PTBP1: variants seen among roughly 807,000 people sequenced by gnomAD.
PTBP1 encodes polypyrimidine tract-binding protein 1.
A neutral mutation model predicts 59.8 loss-of-function variants in PTBP1; 8 were observed. That is an observed-to-expected ratio of 0.13 (90% CI 0.08 to 0.24). PTBP1 has a LOEUF of 0.24. Among genes scored for constraint, PTBP1 ranks in the 10% least tolerant of loss-of-function variants. The pLI is 1.00. For missense variants in PTBP1, 686 were observed against 767.0 expected, an observed-to-expected ratio of 0.89 and a Z score of 1.25; for synonymous variants, 490 against 320.7, an observed-to-expected ratio of 1.53 and a Z score of -5.64.
At position 810,875 on chromosome 19, in the gene PTBP1, C is replaced by T. The variant is rs2034832429; in HGVS notation, c.*49C>T. 3 of 1,484,642 alleles carry T rather than the reference C, an allele frequency of 2.0e-6. No individual in the cohort carries two copies. The highest frequency in any genetic ancestry group is 2.9e-5 in the African/African-American group (2 of 69,580). 92.0% of individuals were successfully genotyped at this position (1,484,642 alleles called of 1,614,324 possible). A position where few individuals can be genotyped will look rare whatever the true frequency, so the allele number is the denominator to read the frequency against. The stretch of plus-strand genomic sequence containing the variant: ...CCCCCTGGCGACAACTTCCATCATT[C>T]CAGAGAAAAGCCACTTTAAAAACAG... On this transcript the variant is annotated 3_prime_UTR_variant, in exon 15 of 15. Transcript: ENST00000356948.
chr19:809,942 C>T (rs1412864330), intron 13 of PTBP1, among the ~76,000 whole-genome samples: 1 of 152,196 alleles, frequency 6.6e-6, no homozygotes, highest in Non-Finnish European at 1.5e-5. Context: ...GCAGGTACAT[C>T]TGGCCCCAAG....
At chr19:807,670 AAAAC>A (rs1393125151) in intron 10 of PTBP1, 195 bp from the exon 11 acceptor site, 26 of 508,206 alleles carry the variant, frequency 5.1e-5, no homozygotes, top group Middle Eastern at 4.7e-4. Context: ...AAACAAATAA[AAAAC>A]AAAAATTCCC....
At position 806,436 on chromosome 19, in the gene PTBP1, C is replaced by T. The variant is rs767989305; in HGVS notation, c.999C>T (p.Ala333=). 1 of 1,601,764 alleles carries T rather than the reference C, an allele frequency of 6.2e-7. No homozygotes were observed. The highest frequency in any genetic ancestry group is 8.5e-7 in the Non-Finnish European group (1 of 1,174,430). ...TTTCCGTTCCGAACGTCCACGGCGC[C>T]CTGGCCCCCCTGGCCATCCCCTCGG... ...AGLSVPNVHG[A]LAPLAIPSAA... The change falls in exon 10 of 15, where the codon GCC becomes GCT. Residue 333 remains alanine (A), a synonymous_variant. Transcript: ENST00000356948.
intron 8 of PTBP1, 126 bp downstream of exon 8, chr19:805,313 A>C (rs2034513582): frequency 1.6e-6 from 2 of 1,260,310 alleles, no homozygotes; most frequent in Non-Finnish European, 2.2e-6. Flanking sequence ...CTGCACGGCC[A>C]GCACAGCACG....
chr19:803,894 T>A lies in PTBP1; in HGVS notation c.116-142T>A, dbSNP rs543755054. ...GGTCCTGACTGTGCAGGTCTTGGCC[T>A]CTCGCGCTGCTGGTTCACATGCACC... On this transcript the variant is annotated intron_variant, in intron 3 of 14. Coordinates refer to ENST00000356948, the MANE Select transcript of PTBP1 (RefSeq NM_002819.5). 1,914 of 1,007,330 alleles carry A rather than the reference T, an allele frequency of 1.9e-3. 6 individuals are homozygous for A. Among genetic ancestry groups the A allele is most frequent in the Middle Eastern group, 7.9e-3 (26 of 3,302 alleles). The allele number at this position is 1,007,330 out of a possible 1,614,324, so 62.4% of individuals were successfully genotyped here.
At chr19:797,684 G>T (rs2034130668) in intron 1 of PTBP1, among the ~76,000 whole-genome samples, 179 bp downstream of exon 1, 1 of 149,116 alleles carries the variant, frequency 6.7e-6, no homozygotes, top group Non-Finnish European at 1.5e-5. Context: ...GGCTTCCCGG[G>T]GGTCTGGCCG....
At chr19:809,561 C>T (rs538554258) in intron 13 of PTBP1, among the ~76,000 whole-genome samples, 15 of 151,716 alleles carry the variant, frequency 9.9e-5, no homozygotes, top group African/African-American at 1.5e-4. Context: ...ACTTTGTGAT[C>T]AACCCGCCTC....
At chr19:809,892 C>A (rs910550169) in intron 13 of PTBP1, among the ~76,000 whole-genome samples, 1 of 152,094 alleles carries the variant, frequency 6.6e-6, no homozygotes, top group East Asian at 1.9e-4. Flanking sequence ...CAGAGTAAGA[C>A]CCTGTCTGTA....
At chr19:810,197 C>T (rs1375380645) in intron 13 of PTBP1, among the ~76,000 whole-genome samples, 1 of 152,072 alleles carries the variant, frequency 6.6e-6, no homozygotes, top group Non-Finnish European at 1.5e-5. Flanking sequence ...ATCCCAGCTA[C>T]TTGGGAGACT....
In PTBP1 at chr19:805,580, G is replaced by T. The variant is rs533957169; in HGVS notation, c.970+11G>T. The T allele has an allele frequency of 2.5e-6, 4 of 1,610,706 alleles. No homozygotes were observed. The African/African-American group carries it at 4.0e-5, about 16-fold the overall frequency. ...TTCCTCAAGCTGCAGGTATTCAAAC[G>T]CTTGGTCTTGGTTCCCCAGCGACTG... On this transcript the variant is annotated intron_variant, in intron 9 of 14. Transcript: ENST00000356948.
Position 811,881 on chromosome 19 carries a change from T to G in PTBP1, c.*1055T>G, listed in dbSNP as rs1375744304. On this transcript the variant is annotated 3_prime_UTR_variant, in exon 15 of 15. Coordinates refer to ENST00000356948, the MANE Select transcript of PTBP1 (RefSeq NM_002819.5). ...TGGACCAAAGTCTCATTTCTGTGTT[T>G]TGCCTGCCTCTGATGCTGGGACCCG... is the stretch of plus-strand genomic sequence containing the variant. 2.0e-5 allele frequency: 3 copies of G among 152,260 alleles called. No individual in the cohort carries two copies. Among genetic ancestry groups the G allele is most frequent in the Non-Finnish European group, 4.4e-5 (3 of 67,978 alleles). 9.4% of individuals were successfully genotyped at this position (152,260 alleles called of 1,614,324 possible).
intron 1 of PTBP1, among the ~76,000 whole-genome samples, chr19:797,935 C>CGCGCGTGCGCGGCCGCCATCGGGG (rs1231904977): frequency 6.0e-5 from 9 of 148,826 alleles, no homozygotes; most frequent in African/African-American, 1.5e-4. Context: ...TTGGCCCCAG[C>CGCGCGTGCGCGGCCGCCATCGGGG]GCGCGTGCGC....
rs1274878591 is a variant in PTBP1, at chr19:805,542, C to G, written c.943C>G (p.Pro315Ala). ...ASPYAGAGFPPTFAIPQAAGL... is the reference protein window; with the variant it reads ...ASPYAGAGFPATFAIPQAAGL... ...TCCGTATGCAGGAGCTGGTTTCCCT[C>G]CCACCTTTGCCATTCCTCAAGCTGC... is the stretch of plus-strand genomic sequence containing the variant. Residue 315 changes from proline to alanine, a missense_variant, in exon 9 of 15, where the codon CCC becomes GCC. By Grantham distance (27) the Pro-to-Ala change is conservative (BLOSUM62 -1). Coordinates refer to ENST00000356948, the MANE Select transcript of PTBP1 (RefSeq NM_002819.5). 6.2e-7 allele frequency: 1 copy of G among 1,613,728 alleles called. No homozygotes were observed. Among genetic ancestry groups the G allele is most frequent in the Non-Finnish European group, 8.5e-7 (1 of 1,179,722 alleles).
At chr19:804,249 G>A (rs773645987) in intron 4 of PTBP1, 41 bp downstream of exon 4, 2 of 1,611,722 alleles carry the variant, frequency 1.2e-6, no homozygotes, top group South Asian at 2.2e-5. Context: ...ACACCGTGCA[G>A]GCGGGGACGA....
chr19:802,667 A>G (rs889711002), intron 2 of PTBP1, among the ~76,000 whole-genome samples: 1 of 152,190 alleles, frequency 6.6e-6, no homozygotes, highest in Non-Finnish European at 1.5e-5. Context: ...CTGTGCTCCA[A>G]GGTCCTCAGA....
chr19:803,509 G>A (rs2034428173), intron 2 of PTBP1, 52 bp from the exon 3 acceptor site: 14 of 1,525,234 alleles, frequency 9.2e-6, no homozygotes, highest in Non-Finnish European at 1.3e-5. Flanking sequence ...GTGGGGAAGG[G>A]AGGCTCTGGC....
At chr19:806,359 G>A in intron 9 of PTBP1, 49 bp from the exon 10 acceptor site, 6 of 1,557,728 alleles carry the variant, frequency 3.9e-6, no homozygotes, top group Non-Finnish European at 5.2e-6. Flanking sequence ...CTCCCACTCT[G>A]CGGTGGAGTC....
Position 808,503 on chromosome 19 carries a change from G to A in PTBP1, c.1247-43G>A, listed in dbSNP as rs752922626. ...TGGAGGGGGCAGGGGCGGGGGCTGC[G>A]TTCCCTCTCGGGCGCCTGGTCACGC... On this transcript the variant is annotated intron_variant, in intron 12 of 14. Coordinates refer to ENST00000356948, the MANE Select transcript of PTBP1 (RefSeq NM_002819.5). The surrounding 1 kb of genome is among the most constrained non-coding windows in gnomAD (Gnocchi z 4.7). 19 of 1,558,110 alleles carry A rather than the reference G, an allele frequency of 1.2e-5. No individual in the cohort carries two copies. In the East Asian group the frequency reaches 2.6e-4, roughly 22 times the overall value.
rs2034664587 is a variant in PTBP1, at chr19:808,167, G to A, written c.1154-193G>A. Reference sequence around the variant, plus strand: ...CGCTGGCAGCTTACCTGTCCTGGATGCTATGACTTTGCTGAACGGAGCTGC... The same window carrying A: ...CGCTGGCAGCTTACCTGTCCTGGATACTATGACTTTGCTGAACGGAGCTGC... On this transcript the variant is annotated intron_variant, in intron 11 of 14. Transcript: ENST00000356948. This position sits in a 1 kb window ranked among gnomAD's most constrained non-coding sequence, Gnocchi z 4.7. The A allele has an allele frequency of 1.6e-6, 1 of 640,196 alleles. No homozygotes were observed. Among genetic ancestry groups the A allele is most frequent in the Non-Finnish European group, 2.8e-6 (1 of 358,070 alleles). The allele number at this position is 640,196 out of a possible 1,614,324, so 39.7% of individuals were successfully genotyped here. A position where few individuals can be genotyped will look rare whatever the true frequency, so the allele number is the denominator to read the frequency against.
Sources: allele counts gnomAD v4.1 joint callset (sites outside exome capture counted in the v4.1 genomes callset), GRCh38; gene constraint gnomAD v4.1.1; non-coding constraint Gnocchi (gnomAD v3.1); transcripts MANE v1.5; gene names NCBI Gene and HGNC (gene_info 2026-07-23, HGNC 2026-07-21).